Variants in TSPEAR observed in about 807,000 individuals in gnomAD.
The protein encoded by TSPEAR is thrombospondin type laminin G domain and EAR repeats, also known as thrombospondin-type laminin G domain and EAR repeat-containing protein.
In TSPEAR, 69 loss-of-function variants were observed where a neutral mutation model predicts 71.6. That is an observed-to-expected ratio of 0.96 (90% CI 0.79 to 1.18). The LOEUF (loss-of-function observed/expected upper bound fraction) is 1.18, where lower values mean the gene tolerates loss of function less well. Among genes scored for constraint, TSPEAR ranks in the 50% most tolerant of loss-of-function variants. The pLI is 0.00. For synonymous variants in TSPEAR, 402 were observed against 387.2 expected (o/e 1.04, Z -0.45); for missense variants, 971 against 894.9 (o/e 1.09, Z -1.09).
chr21:44,499,863 T>C lies in TSPEAR; in HGVS notation c.1930A>G (p.Ser644Gly). ...ATGAGGTAGGCACCAGCCGTGGTGC[T>C]GAAGGCCTCCCAGTCCCTGCAGCCG... ...TVGCRDWEAFSTTAGAYLIYS... is the reference protein window; with the variant it reads ...TVGCRDWEAFGTTAGAYLIYS... The change falls in exon 12 of 12, where the codon AGC becomes GGC. Residue 644 changes from serine to glycine, a missense_variant. Ser to Gly is a moderately conservative substitution (Grantham distance 56). Transcript: ENST00000323084. The C allele has an allele frequency of 6.2e-7, 1 of 1,604,478 alleles. No individual in the cohort carries two copies. Among genetic ancestry groups the C allele is most frequent in the Non-Finnish European group, 8.5e-7 (1 of 1,176,522 alleles).
chr21:44,629,705 C>T (rs150367404), intron 1 of TSPEAR, among the ~76,000 whole-genome samples: 83 of 152,314 alleles, frequency 5.4e-4, no homozygotes, highest in Non-Finnish European at 1.1e-3. Context: ...GACAGAGACA[C>T]GACCCTCGGG....
At chr21:44,600,472 G>T in intron 1 of TSPEAR, 1 of 918,856 alleles carries the variant, frequency 1.1e-6, no homozygotes, top group Non-Finnish European at 1.6e-6. Context: ...CACAAACAAG[G>T]AAGGGGCAGG....
At chr21:44,572,438 T>C (rs2053816320) in intron 1 of TSPEAR, among the ~76,000 whole-genome samples, 1 of 152,110 alleles carries the variant, frequency 6.6e-6, no homozygotes, top group Admixed American at 6.5e-5. Context: ...TCAGCCACTA[T>C]TCCCTAAAAC....
chr21:44,638,044 C>A (rs138286608), intron 1 of TSPEAR: 5 of 1,611,956 alleles, frequency 3.1e-6, no homozygotes, highest in Non-Finnish European at 4.2e-6. Flanking sequence ...TCCCCTCCTG[C>A]GGTGCCTCTG....
At position 44,681,170 on chromosome 21, in the gene TSPEAR, G is replaced by A. The variant is rs1324188251; in HGVS notation, c.82+30263C>T. On this transcript the variant is annotated intron_variant, in intron 1 of 11. Coordinates refer to ENST00000323084, the MANE Select transcript of TSPEAR (RefSeq NM_144991.3). ...TGCCATATGTAGATCAGTGATGGGA[G>A]TGTGTGCTGCAGAACTAATCCAGTT... is the stretch of plus-strand genomic sequence containing the variant. 2.0e-4 allele frequency among the ~76,000 whole-genome samples: 30 copies of A among 152,230 alleles called. 1 individual carries two copies. Among genetic ancestry groups the A allele is most frequent in the Admixed American group, 1.3e-4 (2 of 15,290 alleles).
At chr21:44,637,521 C>T (rs1555937093) in intron 1 of TSPEAR, 2 of 1,613,484 alleles carry the variant, frequency 1.2e-6, no homozygotes, top group Admixed American at 3.3e-5. Flanking sequence ...TGTGCCCCAG[C>T]CCCCAGCTTG....
At chr21:44,664,574 T>A (rs782032313) in intron 1 of TSPEAR, among the ~76,000 whole-genome samples, 2 of 152,178 alleles carry the variant, frequency 1.3e-5, no homozygotes, top group Admixed American at 6.5e-5. Flanking sequence ...AATATCTATA[T>A]GGAAAGACAA....
chr21:44,576,135 A>G (rs1239888313), intron 1 of TSPEAR, among the ~76,000 whole-genome samples: 1 of 152,232 alleles, frequency 6.6e-6, no homozygotes, highest in East Asian at 1.9e-4. Flanking sequence ...TGACGATAAG[A>G]TCAGAAAGAA....
chr21:44,681,268 G>A (rs1179141077), intron 1 of TSPEAR, among the ~76,000 whole-genome samples: 1 of 152,246 alleles, frequency 6.6e-6, no homozygotes, highest in Non-Finnish European at 1.5e-5. Flanking sequence ...CCGATCCTCA[G>A]TGCTCTGAGG....
intron 1 of TSPEAR, among the ~76,000 whole-genome samples, chr21:44,693,727 T>G (rs1555950061): frequency 3.3e-5 from 5 of 152,048 alleles, no homozygotes; most frequent in South Asian, 4.1e-4. Context: ...CCAGTGGGAA[T>G]GTAGAATAGT....
In TSPEAR at chr21:44,584,179, C is replaced by A. The variant is rs148567696; in HGVS notation, c.83-16174G>T. Among the ~76,000 whole-genome samples the A allele has an allele frequency of 6.6e-3, 1,008 of 152,312 alleles. 6 individuals carry two copies. Among genetic ancestry groups the A allele is most frequent in the Middle Eastern group, 0.017 (5 of 294 alleles). ...TTTAGATTCCACATATAAGCGAGGT[C>A]TGCAGTATTTGTCTTTCTGTGGCCT... On this transcript the variant is annotated intron_variant, in intron 1 of 11. Transcript: ENST00000323084.
At chr21:44,656,033 T>C (rs1985123747) in intron 1 of TSPEAR, among the ~76,000 whole-genome samples, 1 of 152,184 alleles carries the variant, frequency 6.6e-6, no homozygotes, top group Non-Finnish European at 1.5e-5. Flanking sequence ...TCTGTGGCCA[T>C]GTGGGAGTCA....
chr21:44,706,436 C>G (rs1323974261), intron 1 of TSPEAR, among the ~76,000 whole-genome samples: 1 of 151,222 alleles, frequency 6.6e-6, no homozygotes, highest in East Asian at 1.9e-4. Flanking sequence ...CACACACCCA[C>G]GTGCGCACCC....
rs587707687 is a variant in TSPEAR, at chr21:44,593,414, G to A, written c.83-25409C>T. On this transcript the variant is annotated intron_variant, in intron 1 of 11. Coordinates refer to ENST00000323084, the MANE Select transcript of TSPEAR (RefSeq NM_144991.3). This position sits in a 1 kb window ranked among gnomAD's most constrained non-coding sequence, Gnocchi z 5.9. ...TAAGGGACATCTGTCCAAAGAACCC[G>A]CACAGAAGACACAAAATGGGTCCAT... 7.2e-4 allele frequency among the ~76,000 whole-genome samples: 109 copies of A among 152,256 alleles called. No homozygotes were observed. The highest frequency in any genetic ancestry group is 2.5e-3 in the African/African-American group (103 of 41,532).
rs949880902 is a variant in TSPEAR, at chr21:44,677,027, G to A, written c.82+34406C>T. On this transcript the variant is annotated intron_variant, in intron 1 of 11. Transcript: ENST00000323084. ...ACTTCTGGAGTAATACTGTCCAGCT[G>A]TCGTTTAAAGTCATCCTGAGCTTGG... 4 of 858,396 alleles carry A rather than the reference G, an allele frequency of 4.7e-6. No individual in the cohort carries two copies. The Admixed American group carries it at 7.4e-5, about 16-fold the overall frequency. The allele number at this position is 858,396 out of a possible 1,614,324, so 53.2% of individuals were successfully genotyped here.
At chr21:44,656,290 G>A (rs1303142280) in intron 1 of TSPEAR, among the ~76,000 whole-genome samples, 1 of 152,170 alleles carries the variant, frequency 6.6e-6, no homozygotes, top group Non-Finnish European at 1.5e-5. Flanking sequence ...CTTCCTGCAG[G>A]TCAGGGCCCA....
intron 1 of TSPEAR, chr21:44,676,155 G>T: frequency 9.9e-7 from 1 of 1,010,690 alleles, no homozygotes; most frequent in Non-Finnish European, 1.6e-6. Flanking sequence ...GGGACTGCAG[G>T]TAGGAGAAGA....
At chr21:44,559,705 A>T (rs1452534783) in intron 2 of TSPEAR, among the ~76,000 whole-genome samples, 1 of 152,246 alleles carries the variant, frequency 6.6e-6, no homozygotes, top group Admixed American at 6.5e-5. Flanking sequence ...TGTGTGTATC[A>T]GCCCATGCCT....
intron 9 of TSPEAR, chr21:44,518,903 T>A (rs1210624518): frequency 3.4e-6 from 1 of 296,982 alleles, no homozygotes; most frequent in African/African-American, 2.2e-5. Context: ...TGATGACACA[T>A]GACTGGTGTG....
Sources: gnomAD v4.1 joint callset for allele counts (sites outside exome capture counted in the v4.1 genomes callset) on GRCh38, gnomAD v4.1.1 for gene constraint, Gnocchi (gnomAD v3.1) non-coding constraint, MANE v1.5 for transcripts, NCBI Gene and HGNC (gene_info 2026-07-23, HGNC 2026-07-21) for gene names.